The following RAD17 variants were observed in gnomAD, a reference collection of about 807,000 sequenced individuals.
The protein encoded by RAD17 is RAD17 checkpoint clamp loader component.
RAD17 carries 31 observed loss-of-function variants against 81.5 expected under a neutral mutation model. The observed-to-expected ratio is 0.38, with a 90% confidence interval of 0.29 to 0.51. RAD17 has a LOEUF of 0.51. RAD17 is among the 20% of genes least tolerant of loss of function. The probability of loss-of-function intolerance (pLI) is 0.88; values close to 1 mark genes in which losing one functional copy is unlikely to be tolerated. For missense variants in RAD17, 681 were observed against 781.2 expected, an observed-to-expected ratio of 0.87 and a Z score of 1.53; for synonymous variants, 261 against 266.2, an observed-to-expected ratio of 0.98 and a Z score of 0.19.
chr5:69,386,761 A>G (rs1023904834), intron 11 of RAD17, among the ~76,000 whole-genome samples: 1 of 152,148 alleles, frequency 6.6e-6, no homozygotes, highest in African/African-American at 2.4e-5. Flanking sequence ...TATGGTAGTT[A>G]TCAACAATTC....
intron 15 of RAD17, among the ~76,000 whole-genome samples, chr5:69,395,147 A>G (rs1181934535): frequency 1.3e-5 from 2 of 152,230 alleles, no homozygotes; most frequent in Non-Finnish European, 2.9e-5. Context: ...CAGCAGTTGA[A>G]TTTGCTTAAC....
intron 2 of RAD17, 106 bp downstream of exon 2, chr5:69,371,277 T>A (rs1046448001): frequency 3.8e-6 from 2 of 528,512 alleles, no homozygotes; most frequent in Non-Finnish European, 7.0e-6. Flanking sequence ...GATACAGTTA[T>A]AGTCATTAAA....
At chr5:69,412,254 C>T (rs571865804) in intron 18 of RAD17, among the ~76,000 whole-genome samples, 1 of 152,162 alleles carries the variant, frequency 6.6e-6, no homozygotes, top group East Asian at 1.9e-4. Context: ...CCACGCCTGG[C>T]CACGAGAGGC....
intron 6 of RAD17, among the ~76,000 whole-genome samples, chr5:69,379,778 T>C (rs531801924): frequency 4.1e-4 from 62 of 152,170 alleles, no homozygotes; most frequent in Non-Finnish European, 8.1e-4. Flanking sequence ...CACTGGAAGG[T>C]CTTCAGAGGC....
intron 16 of RAD17, among the ~76,000 whole-genome samples, 185 bp downstream of exon 16, chr5:69,396,731 A>G (rs747111638): frequency 5.3e-5 from 8 of 152,218 alleles, no homozygotes; most frequent in Non-Finnish European, 8.8e-5. Context: ...GGTGACTCTT[A>G]AATGCTTGTA....
chr5:69,377,537 ACG>A (rs1763479345), intron 6 of RAD17, among the ~76,000 whole-genome samples: 1 of 59,340 alleles, frequency 1.7e-5, no homozygotes, highest in African/African-American at 5.8e-5. Context: ...GTGTATATAT[ACG>A]TATATATATG....
At position 69,410,469 on chromosome 5, in the gene RAD17, C is replaced by T. The variant is rs1482348895; in HGVS notation, c.1694-24C>T. The T allele has an allele frequency of 9.4e-6, 15 of 1,597,800 alleles. No homozygotes were observed. The East Asian group carries it at 2.9e-4, about 31-fold the overall frequency. ...TATATTTTCTTTGGAAAATTGTTTA[C>T]AACTTTTAAAAAATCTGTTTCAGCT... On this transcript the variant is annotated intron_variant, in intron 17 of 18. Transcript: ENST00000354868.
At position 69,373,940 on chromosome 5, in the gene RAD17, T is replaced by C; in HGVS notation, c.120T>C (p.Asn40=). 6.2e-7 allele frequency: 1 copy of C among 1,613,208 alleles called. No homozygotes were observed. Among genetic ancestry groups the C allele is most frequent in the Non-Finnish European group, 8.5e-7 (1 of 1,179,490 alleles). Residue 40 remains asparagine (N), a synonymous_variant, in exon 5 of 19, where the codon AAT becomes AAC. Transcript: ENST00000354868. ...GVNNSSHRRK[N]GPSTLESSRF... The stretch of plus-strand genomic sequence containing the variant: ...ATAACTCAAGTCATAGAAGAAAAAA[T>C]GGGCCTTCTACATTAGAAAGCAGCA...
intron 15 of RAD17, among the ~76,000 whole-genome samples, chr5:69,396,050 CTAAT>C (rs1325134705): frequency 1.3e-5 from 2 of 152,170 alleles, no homozygotes; most frequent in East Asian, 3.9e-4. Flanking sequence ...GTTACATTAA[CTAAT>C]TAGTTATATA....
chr5:69,396,540 TA>T lies in RAD17; in HGVS notation c.1571del (p.Lys524SerfsTer34). The part of the protein sequence containing the change: ...LHKPQWFLIN[K>X]KYRENCLAAK... ...ACAAACCTCAGTGGTTTCTAATAAA[TA>T]AAAAGGTAAAAAAAAAAAAAAAAAT... On this transcript the variant is annotated frameshift_variant, in exon 16 of 19. Coordinates refer to ENST00000354868, the MANE Select transcript of RAD17 (RefSeq NM_133338.3). LOFTEE classifies it high-confidence loss of function. 7.8e-7 allele frequency: 1 copy of T among 1,284,890 alleles called. No homozygotes were observed. Among genetic ancestry groups the T allele is most frequent in the Non-Finnish European group, 9.7e-7 (1 of 1,027,016 alleles). The allele number at this position is 1,284,890 out of a possible 1,614,324, so 79.6% of individuals were successfully genotyped here.
At chr5:69,369,463 C>G (rs768820633), upstream of RAD17, 9 of 1,610,644 alleles carry the variant, frequency 5.6e-6, no homozygotes, top group Admixed American at 6.7e-5. Flanking sequence ...GCGCCCTGAC[C>G]GGTGAGCAGG....
chr5:69,373,975 C>T lies in RAD17; in HGVS notation c.155C>T (p.Ala52Val), dbSNP rs767478768. 1.2e-5 allele frequency: 19 copies of T among 1,612,536 alleles called. No individual in the cohort carries two copies. The Admixed American group carries it at 1.5e-4, about 13-fold the overall frequency. Residue 52 changes from alanine (A) to valine (V), a missense_variant, in exon 5 of 19, where the codon GCG becomes GTG. Coordinates refer to ENST00000354868, the MANE Select transcript of RAD17 (RefSeq NM_133338.3). Reference sequence around the variant, plus strand: ...ACATTAGAAAGCAGCAGATTTCCAGCGAGAAAAAGAGGAAATCTATCTTCC... The same window carrying T: ...ACATTAGAAAGCAGCAGATTTCCAGTGAGAAAAAGAGGAAATCTATCTTCC... ...PSTLESSRFP[A>V]RKRGNLSSLE...
At chr5:69,388,843 A>G (rs1764373276) in intron 11 of RAD17, among the ~76,000 whole-genome samples, 191 bp from the exon 12 acceptor site, 2 of 152,128 alleles carry the variant, frequency 1.3e-5, no homozygotes, top group South Asian at 4.1e-4. Context: ...CCTGAGCTCA[A>G]GTGATCCTCC....
intron 11 of RAD17, among the ~76,000 whole-genome samples, chr5:69,388,233 T>C (rs17236352): frequency 1.2e-3 from 185 of 152,156 alleles, no homozygotes; most frequent in African/African-American, 4.3e-3. Flanking sequence ...GGCTCTGGTT[T>C]AAAAAAGAAG....
intron 17 of RAD17, among the ~76,000 whole-genome samples, chr5:69,401,935 C>T (rs1358203424): frequency 2.5e-5 from 3 of 122,124 alleles, no homozygotes; most frequent in Admixed American, 2.2e-4. Flanking sequence ...ACCTGGGAGG[C>T]GGAGCTTGCA....
intron 17 of RAD17, among the ~76,000 whole-genome samples, chr5:69,402,025 A>C (rs1765304571): frequency 1.3e-5 from 2 of 150,164 alleles, no homozygotes; most frequent in Non-Finnish European, 3.0e-5. Context: ...AAAAAAAAAA[A>C]AAGATTACAC....
Position 69,410,973 on chromosome 5 carries a change from A to C in RAD17, c.1751+423A>C, listed in dbSNP as rs1336683389. On this transcript the variant is annotated intron_variant, in intron 18 of 18. Coordinates refer to ENST00000354868, the MANE Select transcript of RAD17 (RefSeq NM_133338.3). ...AAAAAATAGATGTCTGTCTATATATATATATATATATATATATATATATAC... is the reference window on the plus strand; with the variant it reads ...AAAAAATAGATGTCTGTCTATATATCTATATATATATATATATATATATAC... Among the ~76,000 whole-genome samples the C allele has an allele frequency of 3.0e-4, 43 of 141,178 alleles. 1 individual carries two copies. Among genetic ancestry groups the C allele is most frequent in the South Asian group, 2.9e-3 (13 of 4,432 alleles). 92.6% of individuals were successfully genotyped at this position (141,178 alleles called of 152,430 possible).
At chr5:69,381,493 G>A (rs1486850832) in intron 6 of RAD17, among the ~76,000 whole-genome samples, 5 of 150,778 alleles carry the variant, frequency 3.3e-5, no homozygotes, top group Non-Finnish European at 7.4e-5. Flanking sequence ...AAAAAAAAAA[G>A]AATAAATTTT....
At chr5:69,400,799 T>C (rs1211810591) in intron 17 of RAD17, among the ~76,000 whole-genome samples, 1 of 151,952 alleles carries the variant, frequency 6.6e-6, no homozygotes, top group Non-Finnish European at 1.5e-5. Context: ...CCAGGTGTGG[T>C]GGCATGCGCT....
Sources: allele counts gnomAD v4.1 joint callset (sites outside exome capture counted in the v4.1 genomes callset), GRCh38; gene constraint gnomAD v4.1.1; transcripts MANE v1.5; gene names NCBI Gene and HGNC (gene_info 2026-07-23, HGNC 2026-07-21).